EDIL3: variants seen among roughly 807,000 people sequenced by gnomAD.
EDIL3 encodes the protein EGF like and discoidin domains 3, also known as EGF-like repeat and discoidin I-like domain-containing protein 3.
EDIL3 carries 37 observed loss-of-function variants against 67.4 expected under a neutral mutation model. The observed-to-expected ratio is 0.55, with a 90% CI of 0.42 to 0.72. EDIL3 has a LOEUF of 0.72. EDIL3 is among the 30% of genes least tolerant of loss of function. The probability of loss-of-function intolerance (pLI) is 0.00; values close to 1 mark genes in which losing one functional copy is unlikely to be tolerated. For missense variants in EDIL3, 527 were observed against 586.3 expected (o/e 0.90, Z 1.04); for synonymous variants, 195 against 196.3 (o/e 0.99, Z 0.05).
chr5:84,013,300 T>C (rs571134136), intron 9 of EDIL3, among the ~76,000 whole-genome samples: 2 of 152,070 alleles, frequency 1.3e-5, no homozygotes, highest in Non-Finnish European at 2.9e-5. Context: ...ATAAGAAACA[T>C]TGTTCCTTAC....
At chr5:84,152,578 G>T (rs1428184800) in intron 4 of EDIL3, among the ~76,000 whole-genome samples, 1 of 152,152 alleles carries the variant, frequency 6.6e-6, no homozygotes, top group Admixed American at 6.5e-5. Context: ...TTGTGAACTG[G>T]ACTAAATGTC....
At chr5:84,113,334 G>A (rs963437767) in intron 5 of EDIL3, among the ~76,000 whole-genome samples, 1 of 152,238 alleles carries the variant, frequency 6.6e-6, no homozygotes, top group South Asian at 2.1e-4. Context: ...AGAATTTCAG[G>A]CACCTTTTAT....
rs536229511 is a variant in EDIL3, at chr5:83,981,692, T to C, written c.1138-18332A>G. Among the ~76,000 whole-genome samples, 11 of 152,160 alleles carry C rather than the reference T, an allele frequency of 7.2e-5. No homozygotes were observed. The South Asian group carries it at 1.0e-3, about 14-fold the overall frequency. ...TAAACAATTCTGCTACCCCAGAGTA[T>C]TGTAACTTTAGGTCAAGCAGAAACT... On this transcript the variant is annotated intron_variant, in intron 9 of 10. Coordinates refer to ENST00000296591, the MANE Select transcript of EDIL3 (RefSeq NM_005711.5).
At chr5:84,172,329 C>T (rs539164558) in intron 4 of EDIL3, among the ~76,000 whole-genome samples, 1 of 152,254 alleles carries the variant, frequency 6.6e-6, no homozygotes, top group African/African-American at 2.4e-5. Flanking sequence ...TACCTGTAAT[C>T]CCAGCATGTT....
chr5:84,137,242 G>A lies in EDIL3; in HGVS notation c.468C>T (p.Tyr156=), dbSNP rs1748110247. The A allele has an allele frequency of 8.7e-6, 14 of 1,607,034 alleles. No homozygotes were observed. Among genetic ancestry groups the A allele is most frequent in the East Asian group, 4.5e-5 (2 of 44,676 alleles). ...PGEFMGRNCQ[Y]KCSGPLGIEG... ...ACATACACACACGTGAATACTTACT[G>A]TATTGACAATTTCTTCCCATAAATT... The change falls in exon 5 of 11, where the codon TAC becomes TAT. Residue 156 remains tyrosine, a splice_region_variant and synonymous_variant. Coordinates refer to ENST00000296591, the MANE Select transcript of EDIL3 (RefSeq NM_005711.5).
intron 1 of EDIL3, among the ~76,000 whole-genome samples, chr5:84,345,133 A>G (rs1183356331): frequency 6.6e-6 from 1 of 152,150 alleles, no homozygotes; most frequent in Admixed American, 6.6e-5. Context: ...CTATTTTGTA[A>G]CATCTCCCAT....
chr5:84,072,470 T>C (rs1746756895), intron 6 of EDIL3, among the ~76,000 whole-genome samples: 1 of 152,116 alleles, frequency 6.6e-6, no homozygotes, highest in Admixed American at 6.6e-5. Context: ...AGCAAGAATA[T>C]GGAGAACTAG....
intron 1 of EDIL3, among the ~76,000 whole-genome samples, chr5:84,345,040 G>A (rs1747209423): frequency 6.6e-6 from 1 of 152,092 alleles, no homozygotes; most frequent in Non-Finnish European, 1.5e-5. Flanking sequence ...ACATTTGGGG[G>A]ACCTAGTTAT....
chr5:83,960,770 AT>A (rs1261058667), intron 10 of EDIL3, among the ~76,000 whole-genome samples: 1 of 151,046 alleles, frequency 6.6e-6, no homozygotes, highest in Non-Finnish European at 1.5e-5. Flanking sequence ...ATCACTGAAA[AT>A]TTGATTAATC....
At chr5:84,106,277 C>A (rs1046705611) in intron 6 of EDIL3, among the ~76,000 whole-genome samples, 3 of 152,048 alleles carry the variant, frequency 2.0e-5, no homozygotes, top group African/African-American at 7.2e-5. Flanking sequence ...TGTGGACCCA[C>A]TTCTTAGAGA....
intron 5 of EDIL3, among the ~76,000 whole-genome samples, chr5:84,111,126 T>A (rs1408745546): frequency 6.6e-6 from 1 of 152,140 alleles, no homozygotes; most frequent in Non-Finnish European, 1.5e-5. Context: ...TAGGAAGACA[T>A]GCTTGCTTCC....
Position 84,180,513 on chromosome 5 carries a change from T to G in EDIL3, c.235A>C (p.Thr79Pro), listed in dbSNP as rs771332243. The G allele has an allele frequency of 1.3e-6, 2 of 1,578,884 alleles. No individual in the cohort carries two copies. Among genetic ancestry groups the G allele is most frequent in the Middle Eastern group, 1.7e-4 (1 of 5,906 alleles). Residue 79 changes from threonine (T) to proline (P), a missense_variant, in exon 4 of 11, where the codon ACT becomes CCT. Coordinates refer to ENST00000296591, the MANE Select transcript of EDIL3 (RefSeq NM_005711.5). ...EEEPTSAGPC[T>P]PNPCHNGGTC... is the part of the protein sequence containing the mutation. ...CCTCCATTATGGCATGGATTAGGAG[T>G]GCAGGGACCTGAAAGACAGAAAAAA...
intron 1 of EDIL3, among the ~76,000 whole-genome samples, chr5:84,373,286 A>G (rs1349610986): frequency 6.6e-6 from 1 of 151,960 alleles, no homozygotes; most frequent in African/African-American, 2.4e-5. Context: ...TTTTTCCAAC[A>G]CCTGGCCATT....
chr5:84,277,665 C>G (rs1745608944), intron 1 of EDIL3, among the ~76,000 whole-genome samples: 1 of 151,986 alleles, frequency 6.6e-6, no homozygotes, highest in African/African-American at 2.4e-5. Flanking sequence ...TTTTAAGAAC[C>G]TACCTTTGCT....
At chr5:84,210,454 AAC>A (rs1302574442) in intron 3 of EDIL3, among the ~76,000 whole-genome samples, 1 of 152,126 alleles carries the variant, frequency 6.6e-6, no homozygotes, top group Non-Finnish European at 1.5e-5. Flanking sequence ...GTAATTATAA[AAC>A]TATGTTAAAA....
chr5:84,110,094 T>C (rs1408837501), intron 5 of EDIL3, among the ~76,000 whole-genome samples: 1 of 152,224 alleles, frequency 6.6e-6, no homozygotes, highest in Non-Finnish European at 1.5e-5. Context: ...GTTATATCCT[T>C]AGATGCTCAT....
chr5:84,255,673 T>A (rs1745110488), intron 1 of EDIL3, among the ~76,000 whole-genome samples: 1 of 152,330 alleles, frequency 6.6e-6, no homozygotes, highest in East Asian at 1.9e-4. Context: ...CTTTTCCAGA[T>A]GAAGCACTTT....
intron 1 of EDIL3, among the ~76,000 whole-genome samples, chr5:84,359,927 A>C (rs746296074): frequency 2.0e-5 from 3 of 152,192 alleles, no homozygotes; most frequent in African/African-American, 7.2e-5. Context: ...TAGAATTCTC[A>C]TGTCTCTTTT....
At chr5:83,982,920 C>G (rs1241172483) in intron 9 of EDIL3, among the ~76,000 whole-genome samples, 1 of 152,130 alleles carries the variant, frequency 6.6e-6, no homozygotes, top group Non-Finnish European at 1.5e-5. Flanking sequence ...GTAGATGGGG[C>G]ACAAGTGGAA....
Sources: allele counts gnomAD v4.1 joint callset (sites outside exome capture counted in the v4.1 genomes callset), GRCh38; gene constraint gnomAD v4.1.1; transcripts MANE v1.5; gene names NCBI Gene and HGNC (gene_info 2026-07-23, HGNC 2026-07-21).